Variants in LRP6 observed in about 807,000 individuals in gnomAD.
The protein encoded by LRP6 is low-density lipoprotein receptor-related protein 6.
Under a neutral mutation model 184.1 loss-of-function variants are expected in LRP6, and 43 were observed. The observed-to-expected ratio is 0.23, with a 90% confidence interval of 0.18 to 0.30. The LOEUF (loss-of-function observed/expected upper bound fraction) is 0.30, where lower values mean the gene tolerates loss of function less well. Among genes scored for constraint, LRP6 ranks in the 10% least tolerant of loss-of-function variants. The pLI is 1.00. For missense variants in LRP6, 1,571 were observed against 2,005.3 expected (o/e 0.78, Z 4.14); for synonymous variants, 719 against 684.9 (o/e 1.05, Z -0.78).
rs748456639 is a variant in LRP6 at position 12,244,666 on chromosome 12, A to G, written c.56-11T>C. 5 of 1,613,558 alleles carry G rather than the reference A, an allele frequency of 3.1e-6. No homozygotes were observed. Among genetic ancestry groups the G allele is most frequent in the East Asian group, 4.5e-5 (2 of 44,882 alleles). ...GCAACAAAGGGGCCGCTAGAACAAA[A>G]AAAGAAAAATATGTAAGTGAAAAGG... On this transcript the variant is annotated splice_polypyrimidine_tract_variant and intron_variant, in intron 1 of 22. Coordinates refer to ENST00000261349, the MANE Select transcript of LRP6 (RefSeq NM_002336.3).
At chr12:12,168,123 C>T (rs1013018683) in intron 7 of LRP6, among the ~76,000 whole-genome samples, 6 of 152,278 alleles carry the variant, frequency 3.9e-5, no homozygotes, top group South Asian at 2.1e-4. Context: ...AACTCACCTC[C>T]CCGCAAATCA....
intron 2 of LRP6, among the ~76,000 whole-genome samples, chr12:12,228,998 T>C (rs1035414762): frequency 6.6e-6 from 1 of 152,168 alleles, no homozygotes; most frequent in Non-Finnish European, 1.5e-5. Flanking sequence ...AGGGATGTGA[T>C]GCAGGAAAAG....
At chr12:12,177,960 T>C (rs11054720) in intron 7 of LRP6, among the ~76,000 whole-genome samples, 21,277 of 151,944 alleles carry the variant, frequency 0.14, 2,045 homozygotes, top group African/African-American at 0.27. Flanking sequence ...GCTGGTACCA[T>C]ACAGGGAAGA....
At chr12:12,183,054 G>C (rs376331881) in intron 5 of LRP6, among the ~76,000 whole-genome samples, 3 of 152,160 alleles carry the variant, frequency 2.0e-5, no homozygotes, top group East Asian at 3.8e-4. Context: ...GAAACCATTT[G>C]ACCAAGAGTC....
chr12:12,147,438 G>A lies in LRP6; in HGVS notation c.3325C>T (p.Leu1109Phe). 1 of 1,614,096 alleles carries A rather than the reference G, an allele frequency of 6.2e-7. No individual in the cohort carries two copies. Among genetic ancestry groups the A allele is most frequent in the Non-Finnish European group, 8.5e-7 (1 of 1,180,008 alleles). The change falls in exon 15 of 23, where the codon CTT (leucine) becomes TTT (phenylalanine). Residue 1109 changes from leucine to phenylalanine, a missense_variant. Leu to Phe is a conservative substitution (Grantham distance 22, BLOSUM62 0). Transcript: ENST00000261349. ...SGLSKPIALALDSRLGKLFWA... is the reference protein window; with the variant it reads ...SGLSKPIALAFDSRLGKLFWA... The stretch of plus-strand genomic sequence containing the variant: ...AAGAGCTTGCCCAGCCTGCTATCAA[G>A]GGCTAAAGCAATTGGTTTACTTAAG...
chr12:12,164,617 A>G, intron 8 of LRP6, 55 bp from the exon 9 acceptor site: 1 of 1,534,802 alleles, frequency 6.5e-7, no homozygotes. Context: ...GATACATTCA[A>G]CATATTTTCA....
chr12:12,225,493 A>G (rs185326321), intron 2 of LRP6, among the ~76,000 whole-genome samples: 40 of 152,234 alleles, frequency 2.6e-4, no homozygotes, highest in Admixed American at 2.3e-3. Context: ...GACTTGCTGG[A>G]GGCTTAGTAT....
At chr12:12,123,212 G>A (rs1949627407) in intron 22 of LRP6, among the ~76,000 whole-genome samples, 2 of 152,328 alleles carry the variant, frequency 1.3e-5, no homozygotes, top group South Asian at 4.1e-4. Flanking sequence ...ATTCTGATGA[G>A]TGCCTTAGTC....
intron 19 of LRP6, among the ~76,000 whole-genome samples, chr12:12,129,430 G>A (rs1156834453): frequency 6.6e-6 from 1 of 152,112 alleles, no homozygotes; most frequent in African/African-American, 2.4e-5. Flanking sequence ...CCCATTACAT[G>A]GAGTTTCCCA....
Position 12,149,103 on chromosome 12 carries a change from T to C in LRP6, c.3045A>G (p.Gln1015=), listed in dbSNP as rs1591887337. The C allele has an allele frequency of 6.2e-7, 1 of 1,613,958 alleles. No homozygotes were observed. The change falls in exon 14 of 23, where the codon CAA becomes CAG. Residue 1015 remains glutamine (Q), a synonymous_variant. Transcript: ENST00000261349. ...AAATATCAATGCTGAGGTCATAGGGTTGTATTTCCAGGTTCTGACTCGGAA... is the reference window on the plus strand; with the variant it reads ...AAATATCAATGCTGAGGTCATAGGGCTGTATTTCCAGGTTCTGACTCGGAA... ...SSVPSQNLEI[Q]PYDLSIDIYS... is the part of the protein sequence containing the mutation.
chr12:12,209,118 A>G (rs1179572993), intron 2 of LRP6, among the ~76,000 whole-genome samples: 1 of 152,264 alleles, frequency 6.6e-6, no homozygotes, highest in Non-Finnish European at 1.5e-5. Context: ...TACGTGATAC[A>G]AAGTTTGAAA....
At chr12:12,203,487 CCG>C in intron 2 of LRP6, 87 bp from the exon 3 acceptor site, 2 of 1,116,820 alleles carry the variant, frequency 1.8e-6, no homozygotes, top group East Asian at 2.5e-5. Context: ...AAAGCTCAGG[CCG>C]CGCGCAGTGG....
At chr12:12,201,544 C>T (rs780790269) in intron 3 of LRP6, among the ~76,000 whole-genome samples, 12 of 152,122 alleles carry the variant, frequency 7.9e-5, no homozygotes, top group Non-Finnish European at 1.8e-4. Flanking sequence ...TGCTTACTCT[C>T]GCATAGACAG....
At chr12:12,214,508 C>CT (rs1409333612) in intron 2 of LRP6, among the ~76,000 whole-genome samples, 1 of 152,184 alleles carries the variant, frequency 6.6e-6, no homozygotes, top group Non-Finnish European at 1.5e-5. Flanking sequence ...ATCATAAACA[C>CT]ATTCCTGCAA....
At chr12:12,164,146 C>A in intron 9 of LRP6, 127 bp downstream of exon 9, 85 of 666,542 alleles carry the variant, frequency 1.3e-4, no homozygotes, top group Non-Finnish European at 1.8e-4. Flanking sequence ...AAAAAAAAAA[C>A]TTGAGGGTTT....
intron 2 of LRP6, among the ~76,000 whole-genome samples, chr12:12,211,668 T>TATA (rs1203588530): frequency 1.3e-5 from 2 of 152,184 alleles, no homozygotes; most frequent in Non-Finnish European, 2.9e-5. Flanking sequence ...ATTCTGAATG[T>TATA]ATAAACTGGT....
intron 5 of LRP6, among the ~76,000 whole-genome samples, chr12:12,182,697 G>A (rs1863372338): frequency 6.6e-6 from 1 of 152,106 alleles, no homozygotes; most frequent in Admixed American, 6.6e-5. Flanking sequence ...AGAAAATACA[G>A]CCCAAATGCC....
chr12:12,126,823 A>C lies in LRP6; in HGVS notation c.4180T>G (p.Cys1394Gly), dbSNP rs1311193340. 1.9e-6 allele frequency: 3 copies of C among 1,614,166 alleles called. No homozygotes were observed. The highest frequency in any genetic ancestry group is 1.7e-6 in the Non-Finnish European group (2 of 1,179,982). The change falls in exon 20 of 23, where the codon TGC becomes GGC. Residue 1394 changes from cysteine (C) to glycine (G), a missense_variant. Cys to Gly is a radical substitution (Grantham distance 159). Around this residue, in one of 4 missense-constraint regions of LRP6, gnomAD observed 763 missense variants for 859.5 expected, o/e 0.89. Coordinates refer to ENST00000261349, the MANE Select transcript of LRP6 (RefSeq NM_002336.3). Reference sequence around the variant, plus strand: ...ATACGTGGACACAACATCCTCTGGCAGATAAAGTATACAGTTCCAGACACA... The same window carrying C: ...ATACGTGGACACAACATCCTCTGGCCGATAAAGTATACAGTTCCAGACACA... The part of the protein sequence containing the change: ...IFVSGTVYFI[C>G]QRMLCPRMKG...
At position 12,165,133 on chromosome 12, in the gene LRP6, C is replaced by G; in HGVS notation, c.1708G>C (p.Asp570His). 6.2e-7 allele frequency: 1 copy of G among 1,614,070 alleles called. No individual in the cohort carries two copies. Among genetic ancestry groups the G allele is most frequent in the Non-Finnish European group, 8.5e-7 (1 of 1,180,008 alleles). Residue 570 changes from aspartate to histidine, a missense_variant, in exon 8 of 23, where the codon GAT (aspartate) becomes CAT (histidine). Asp to His is a moderately conservative substitution (Grantham distance 81). Transcript: ENST00000261349. ...AGGCCCATGAGGTCAGGCAGCTGAT[C>G]TATGATCACTTCCCTCTCTGCACTT... The part of the protein sequence containing the change: ...KRSAEREVII[D>H]QLPDLMGLKA...
Sources: gnomAD v4.1 joint callset for allele counts (sites outside exome capture counted in the v4.1 genomes callset) on GRCh38, gnomAD v4.1.1 for gene constraint, gnomAD v4.1.1 regional missense constraint, MANE v1.5 for transcripts, NCBI Gene and HGNC (gene_info 2026-07-23, HGNC 2026-07-21) for gene names.